The following CHODL variants were observed in gnomAD, a reference collection of about 807,000 sequenced individuals.
The protein encoded by CHODL is chondrolectin.
CHODL carries 29 observed loss-of-function variants against 34.5 expected under a neutral mutation model. The ratio of observed to expected loss-of-function variants is 0.84; its 90% CI spans 0.63 to 1.15. The LOEUF is 1.15. Among genes scored for constraint, CHODL ranks in the 50% most tolerant of loss-of-function variants. The pLI, the probability that CHODL is intolerant of heterozygous loss-of-function variation, is 0.00. For synonymous variants in CHODL, 125 were observed against 116.1 expected (o/e 1.08, Z -0.49); for missense variants, 332 against 332.5 (o/e 1.00, Z 0.01).
At chr21:18,205,538 A>G (rs1038390429) in intron 2 of CHODL, among the ~76,000 whole-genome samples, 2 of 152,066 alleles carry the variant, frequency 1.3e-5, no homozygotes, top group African/African-American at 4.8e-5. Flanking sequence ...CTAATTCTTT[A>G]AGATGCATTG....
chr21:17,993,181 C>T (rs780939373), intron 1 of CHODL, among the ~76,000 whole-genome samples: 17 of 150,956 alleles, frequency 1.1e-4, no homozygotes, highest in Non-Finnish European at 1.6e-4. Flanking sequence ...GTATTTCATA[C>T]ATGGCTTTTA....
At chr21:18,160,916 C>G (rs1419900395) in intron 2 of CHODL, among the ~76,000 whole-genome samples, 2 of 152,192 alleles carry the variant, frequency 1.3e-5, no homozygotes, top group Non-Finnish European at 2.9e-5. Context: ...AAACTGTCTT[C>G]CACAATGACT....
intron 2 of CHODL, among the ~76,000 whole-genome samples, chr21:18,229,173 GT>G (rs1568945807): frequency 6.6e-6 from 1 of 152,166 alleles, no homozygotes; most frequent in East Asian, 1.9e-4. Flanking sequence ...AAAGAGGGCA[GT>G]ATCAGATGAA....
Position 18,065,728 on chromosome 21 carries a change from G to A in CHODL, c.-45+37757G>A, listed in dbSNP as rs116837579. 4.8e-3 allele frequency among the ~76,000 whole-genome samples: 736 copies of A among 152,252 alleles called. 7 individuals carry two copies. The highest frequency in any genetic ancestry group is 0.016 in the African/African-American group (673 of 41,550). On this transcript the variant is annotated intron_variant, in intron 2 of 6. Transcript: ENST00000400127. ...CATCATTCAGAGGCACTCATTAAGT[G>A]CAGTATTGGAAACAAATTTGATAGA...
chr21:18,092,489 G>A (rs1490871619), intron 2 of CHODL, among the ~76,000 whole-genome samples: 1 of 152,114 alleles, frequency 6.6e-6, no homozygotes, highest in Non-Finnish European at 1.5e-5. Context: ...TCTAAATAAG[G>A]CACCAGGGAC....
chr21:18,132,224 A>T (rs1444614318), intron 2 of CHODL, among the ~76,000 whole-genome samples: 1 of 152,092 alleles, frequency 6.6e-6, no homozygotes, highest in Non-Finnish European at 1.5e-5. Context: ...TTAGTTAACA[A>T]GAAAATAGAA....
chr21:18,144,666 T>C (rs1159701612), intron 2 of CHODL, among the ~76,000 whole-genome samples: 1 of 152,168 alleles, frequency 6.6e-6, no homozygotes, highest in Admixed American at 6.5e-5. Context: ...TCAGGTTATA[T>C]TGTTTAAAAT....
intron 2 of CHODL, among the ~76,000 whole-genome samples, chr21:18,143,493 G>T (rs17002398): frequency 0.081 from 12,304 of 152,078 alleles, 1,471 homozygotes; most frequent in African/African-American, 0.26. Context: ...TGTTTAAAAA[G>T]TTTTTGTATG....
At chr21:18,182,087 G>C (rs1250949234) in intron 2 of CHODL, among the ~76,000 whole-genome samples, 1 of 152,080 alleles carries the variant, frequency 6.6e-6, no homozygotes, top group Non-Finnish European at 1.5e-5. Context: ...TATACCCTAG[G>C]AACAGAATTG....
Position 18,262,213 on chromosome 21 carries a change from G to A in CHODL, c.635-578G>A, listed in dbSNP as rs549699485. On this transcript the variant is annotated intron_variant, in intron 4 of 5. Transcript: ENST00000299295. Reference sequence around the variant, plus strand: ...ACAGATCAGTACAATTCAATTTTCCGTTCAGTAAAATTTTGTTTTTAACTT... The same window carrying A: ...ACAGATCAGTACAATTCAATTTTCCATTCAGTAAAATTTTGTTTTTAACTT... Among the ~76,000 whole-genome samples the A allele has an allele frequency of 2.6e-5, 4 of 152,130 alleles. No individual in the cohort carries two copies. The East Asian group carries it at 5.8e-4, about 22-fold the overall frequency.
At chr21:18,023,890 T>C (rs2064150279) in intron 1 of CHODL, among the ~76,000 whole-genome samples, 5 of 152,176 alleles carry the variant, frequency 3.3e-5, no homozygotes, top group Admixed American at 3.3e-4. Context: ...GGAAAGGAGA[T>C]GAAACGGCAC....
chr21:18,085,600 T>A (rs1292277697), intron 2 of CHODL, among the ~76,000 whole-genome samples: 1 of 152,172 alleles, frequency 6.6e-6, no homozygotes, highest in African/African-American at 2.4e-5. Context: ...AAGACTTTAT[T>A]TCATTTATGA....
chr21:18,121,856 T>C (rs769894527), intron 2 of CHODL, among the ~76,000 whole-genome samples: 8 of 152,210 alleles, frequency 5.3e-5, no homozygotes, highest in Non-Finnish European at 1.0e-4. Context: ...CGTCATCAAC[T>C]AATCTCATAG....
intron 2 of CHODL, among the ~76,000 whole-genome samples, chr21:18,193,934 G>A (rs924051719): frequency 1.7e-4 from 26 of 151,656 alleles, no homozygotes; most frequent in African/African-American, 5.8e-4. Context: ...ATTATCCATC[G>A]TCATTCAATT....
chr21:18,153,946 T>C (rs1398829048), intron 2 of CHODL, among the ~76,000 whole-genome samples: 1 of 152,144 alleles, frequency 6.6e-6, no homozygotes, highest in Non-Finnish European at 1.5e-5. Context: ...AGTCATTCAG[T>C]GCAGTGCCAC....
At chr21:18,151,107 A>T (rs1408307147) in intron 2 of CHODL, among the ~76,000 whole-genome samples, 1 of 141,372 alleles carries the variant, frequency 7.1e-6, no homozygotes, top group Admixed American at 7.0e-5. Context: ...AAAAAAAAAG[A>T]AAGAAATTCT....
intron 1 of CHODL, among the ~76,000 whole-genome samples, chr21:18,003,465 A>G (rs1049698517): frequency 6.6e-6 from 1 of 151,574 alleles, no homozygotes; most frequent in African/African-American, 2.4e-5. Flanking sequence ...ATACTGACTG[A>G]TTGCTTTCTA....
chr21:18,042,838 C>T (rs2064392945), intron 2 of CHODL, among the ~76,000 whole-genome samples: 1 of 151,876 alleles, frequency 6.6e-6, no homozygotes, highest in African/African-American at 2.4e-5. Context: ...TTGGTCATTA[C>T]TTAGTCTTCA....
At chr21:18,265,180 T>C (rs1401423909) in intron 5 of CHODL, among the ~76,000 whole-genome samples, 3 of 136,176 alleles carry the variant, frequency 2.2e-5, no homozygotes, top group Admixed American at 7.1e-5. Context: ...TATATATATG[T>C]ATATATATAT....
Sources: allele counts gnomAD v4.1 joint callset (sites outside exome capture counted in the v4.1 genomes callset), GRCh38; gene constraint gnomAD v4.1.1; transcripts MANE v1.5; gene names NCBI Gene and HGNC (gene_info 2026-07-23, HGNC 2026-07-21).